POFUT2: variants seen among roughly 807,000 people sequenced by gnomAD.
POFUT2 encodes GDP-fucose protein O-fucosyltransferase 2.
POFUT2 carries 30 observed loss-of-function variants against 55.0 expected under a neutral mutation model. That is an observed-to-expected ratio of 0.55 (90% confidence interval 0.41 to 0.74). The LOEUF is 0.74. Ranked by LOEUF, POFUT2 falls within the 30% of genes least tolerant of loss-of-function variation. The probability of loss-of-function intolerance (pLI) is 0.00; values close to 1 mark genes in which losing one functional copy is unlikely to be tolerated. For missense variants in POFUT2, 524 were observed against 562.6 expected, an observed-to-expected ratio of 0.93 and a Z score of 0.69; for synonymous variants, 267 against 231.1, an observed-to-expected ratio of 1.16 and a Z score of -1.41.
At chr21:45,283,018 C>T (rs2030882707) in intron 3 of POFUT2, 3 of 434,804 alleles carry the variant, frequency 6.9e-6, no homozygotes, top group African/African-American at 2.0e-5. Flanking sequence ...ACGGCCCATT[C>T]TCCAGGCCTC....
In POFUT2 at chr21:45,284,220, C is replaced by A. The variant is rs536475203; in HGVS notation, c.383-693G>T. Reference sequence around the variant, plus strand: ...GAACAAAGCGGGAGGGAGCATCGCGCAGGTGAAGTTCTGGGGCAGGAACAA... The same window carrying A: ...GAACAAAGCGGGAGGGAGCATCGCGAAGGTGAAGTTCTGGGGCAGGAACAA... On this transcript the variant is annotated intron_variant, in intron 2 of 8. Coordinates refer to ENST00000349485, the MANE Select transcript of POFUT2 (RefSeq NM_133635.6). The surrounding 1 kb of genome is among the most constrained non-coding windows in gnomAD (Gnocchi z 5.8). 1.3e-5 allele frequency among the ~76,000 whole-genome samples: 2 copies of A among 151,076 alleles called. No individual in the cohort carries two copies. The highest frequency in any genetic ancestry group is 6.6e-5 in the Admixed American group (1 of 15,114).
At chr21:45,278,974 C>T (rs936398092) in intron 4 of POFUT2, among the ~76,000 whole-genome samples, 2 of 152,320 alleles carry the variant, frequency 1.3e-5, no homozygotes, top group South Asian at 2.1e-4. Context: ...ACCAAACTCC[C>T]CCCAGGGCTC....
In POFUT2 at chr21:45,267,288, A is replaced by C. The variant is rs1602148468; in HGVS notation, c.1136+302T>G. The stretch of plus-strand genomic sequence containing the variant: ...CAGGGCAGGGGGCAGACAGGGGCAG[A>C]AACCGGGAATGATGGGAAAATGCGA... On this transcript the variant is annotated intron_variant, in intron 8 of 8. Coordinates refer to ENST00000349485, the MANE Select transcript of POFUT2 (RefSeq NM_133635.6). This position sits in a 1 kb window ranked among gnomAD's most constrained non-coding sequence, Gnocchi z 4.4. The C allele has an allele frequency of 1.4e-6, 2 of 1,450,516 alleles. No individual in the cohort carries two copies. The highest frequency in any genetic ancestry group is 4.9e-5 in the East Asian group (2 of 40,460). 89.9% of individuals were successfully genotyped at this position (1,450,516 alleles called of 1,614,324 possible).
In POFUT2 at chr21:45,268,968, GCCCGGCCGCC is replaced by G. The variant is rs2093189938; in HGVS notation, c.1012+861_1012+870del. 1.9e-5 allele frequency among the ~76,000 whole-genome samples: 2 copies of G among 103,742 alleles called. 1 individual carries two copies. Among genetic ancestry groups the G allele is most frequent in the African/African-American group, 8.5e-5 (2 of 23,444 alleles). The allele number at this position is 103,742 out of a possible 152,430, so 68.1% of individuals were successfully genotyped here. On this transcript the variant is annotated intron_variant, in intron 7 of 8. Coordinates refer to ENST00000349485, the MANE Select transcript of POFUT2 (RefSeq NM_133635.6). ...CGTCCGGGAGGTGAGGGGCGCCTCT[GCCCGGCCGCC>G]CCTACTGGGAAGCAAAGAGCCCCTC... is the stretch of plus-strand genomic sequence containing the variant.
chr21:45,266,625 G>C, intron 8 of POFUT2: 1 of 1,012,342 alleles, frequency 9.9e-7, no homozygotes, highest in Non-Finnish European at 1.2e-6. Context: ...TAAGAAGTCA[G>C]CGCTGCATCC....
Position 45,267,538 on chromosome 21 carries a change from C to A in POFUT2, c.1136+52G>T. 2 of 1,614,182 alleles carry A rather than the reference C, an allele frequency of 1.2e-6. No individual in the cohort carries two copies. The highest frequency in any genetic ancestry group is 1.7e-6 in the Non-Finnish European group (2 of 1,180,042). On this transcript the variant is annotated intron_variant, in intron 8 of 8. Transcript: ENST00000349485. This position sits in a 1 kb window ranked among gnomAD's most constrained non-coding sequence, Gnocchi z 4.4. ...ACACCGAGTACTTGGGACAGAAGAA[C>A]CTTTGAAAGCCACCCGACCCGCTCT...
chr21:45,268,767 TGAG>T (rs1397051138), intron 7 of POFUT2, among the ~76,000 whole-genome samples: 1 of 146,198 alleles, frequency 6.8e-6, no homozygotes, highest in African/African-American at 2.6e-5. Context: ...ATCTGGGAAG[TGAG>T]GAGCGTCTCC....
chr21:45,278,958 C>G (rs775935213), intron 4 of POFUT2, among the ~76,000 whole-genome samples: 1 of 152,074 alleles, frequency 6.6e-6, no homozygotes, highest in Admixed American at 6.6e-5. Flanking sequence ...TTGAGCCAAC[C>G]GTCTCACCAA....
intron 7 of POFUT2, 56 bp downstream of exon 7, chr21:45,269,783 A>G: frequency 6.6e-7 from 1 of 1,506,810 alleles, no homozygotes. Context: ...AAGAATTATC[A>G]ATAAAAAAAA....
At chr21:45,275,029 C>T (rs867087170) in intron 6 of POFUT2, among the ~76,000 whole-genome samples, 8 of 152,090 alleles carry the variant, frequency 5.3e-5, no homozygotes, top group Admixed American at 1.3e-4. Flanking sequence ...ACTTTGCATC[C>T]GACCAAGGAC....
intron 7 of POFUT2, among the ~76,000 whole-genome samples, chr21:45,269,271 C>A (rs1373552040): frequency 6.6e-6 from 1 of 152,072 alleles, no homozygotes; most frequent in East Asian, 1.9e-4. Flanking sequence ...CCGGCCACCA[C>A]CCCGTCTGGG....
At chr21:45,272,173 C>T (rs1429161859) in intron 6 of POFUT2, among the ~76,000 whole-genome samples, 3 of 152,104 alleles carry the variant, frequency 2.0e-5, no homozygotes, top group African/African-American at 7.2e-5. Flanking sequence ...ACTGACCTAA[C>T]ACATAAGGAC....
chr21:45,285,503 A>T lies in POFUT2; in HGVS notation c.382+175T>A. 1.3e-6 allele frequency: 1 copy of T among 741,018 alleles called. No individual in the cohort carries two copies. Among genetic ancestry groups the T allele is most frequent in the Middle Eastern group, 2.3e-4 (1 of 4,392 alleles). The allele number at this position is 741,018 out of a possible 1,614,324, so 45.9% of individuals were successfully genotyped here. On this transcript the variant is annotated intron_variant, in intron 2 of 8. Coordinates refer to ENST00000349485, the MANE Select transcript of POFUT2 (RefSeq NM_133635.6). The surrounding 1 kb of genome is among the most constrained non-coding windows in gnomAD (Gnocchi z 4.9). ...AAGCTCACTGCAGCGTGGGAAAGGG[A>T]CTGTGCTCCTGAACGGAGGAGGTGC...
rs1395971829 is a variant in POFUT2, at chr21:45,264,684, G to A, written c.*798C>T. The A allele has an allele frequency of 6.7e-6, 1 of 150,188 alleles. No individual in the cohort carries two copies. The highest frequency in any genetic ancestry group is 1.5e-5 in the Non-Finnish European group (1 of 67,248). The allele number at this position is 150,188 out of a possible 1,614,324, so 9.3% of individuals were successfully genotyped here. On this transcript the variant is annotated 3_prime_UTR_variant, in exon 9 of 9. Transcript: ENST00000349485. Reference sequence around the variant, plus strand: ...CGGGCGAGGGCGGGGCAGTCGGGGTGAGGGTGGGGCGGGGCAGTCGGGGCG... The same window carrying A: ...CGGGCGAGGGCGGGGCAGTCGGGGTAAGGGTGGGGCGGGGCAGTCGGGGCG...
chr21:45,282,244 G>C lies in POFUT2; in HGVS notation c.638+105C>G, dbSNP rs1158198058. 5.3e-6 allele frequency: 4 copies of C among 755,924 alleles called. No individual in the cohort carries two copies. The highest frequency in any genetic ancestry group is 9.0e-6 in the Non-Finnish European group (4 of 442,294). 46.8% of individuals were successfully genotyped at this position (755,924 alleles called of 1,614,324 possible). The stretch of plus-strand genomic sequence containing the variant: ...CCCAGGGTCCGCTGTCTGTGAGGTG[G>C]GTGGGCCAGGGATGCGGGAGTATGG... On this transcript the variant is annotated intron_variant, in intron 4 of 8. Transcript: ENST00000349485. This position sits in a 1 kb window ranked among gnomAD's most constrained non-coding sequence, Gnocchi z 4.6.
In POFUT2 at chr21:45,265,494, C is replaced by T. The variant is rs147423047; in HGVS notation, c.1278G>A (p.Lys426=). The T allele has an allele frequency of 5.3e-5, 86 of 1,612,890 alleles. No homozygotes were observed. The South Asian group carries it at 8.8e-4, about 16-fold the overall frequency. The change falls in exon 9 of 9, where the codon AAG becomes AAA. Residue 426 remains lysine (K), a synonymous_variant. Coordinates refer to ENST00000349485, the MANE Select transcript of POFUT2 (RefSeq NM_133635.6). This position sits in a 1 kb window ranked among gnomAD's most constrained non-coding sequence, Gnocchi z 4.6. ...EKACEQPTHW[K]ITY ...TGGAGGATCCTCCTCAGTAGGTGAT[C>T]TTCCAGTGGGTGGGTTGCTCACACG...
rs866089090 is a variant in POFUT2 at position 45,266,776 on chromosome 21, C to T, written c.1136+814G>A. The T allele has an allele frequency of 1.0e-4, 100 of 997,412 alleles. No individual in the cohort carries two copies. The African/African-American group carries it at 1.5e-3, about 15-fold the overall frequency. The allele number at this position is 997,412 out of a possible 1,614,324, so 61.8% of individuals were successfully genotyped here. On this transcript the variant is annotated intron_variant, in intron 8 of 8. Transcript: ENST00000349485. ...CACCGGCTCAGGGCGCTCAGCATTC[C>T]TCGGGCAGGAGAGAGACAGACTAAC...
At position 45,267,561 on chromosome 21, in the gene POFUT2, T is replaced by A; in HGVS notation, c.1136+29A>T. ...AACCTTTGAAAGCCACCCGACCCGC[T>A]CTCGGCCGACAGTGACGTGGGCAGG... On this transcript the variant is annotated intron_variant, in intron 8 of 8. Coordinates refer to ENST00000349485, the MANE Select transcript of POFUT2 (RefSeq NM_133635.6). This position sits in a 1 kb window ranked among gnomAD's most constrained non-coding sequence, Gnocchi z 4.4. 3.7e-6 allele frequency: 6 copies of A among 1,614,082 alleles called. No homozygotes were observed. The highest frequency in any genetic ancestry group is 5.1e-6 in the Non-Finnish European group (6 of 1,180,024).
chr21:45,265,167 G>T lies in POFUT2; in HGVS notation c.*315C>A, dbSNP rs2093142107. The T allele has an allele frequency of 3.8e-6, 1 of 264,748 alleles. No individual in the cohort carries two copies. Among genetic ancestry groups the T allele is most frequent in the Non-Finnish European group, 7.1e-6 (1 of 140,296 alleles). 16.4% of individuals were successfully genotyped at this position (264,748 alleles called of 1,614,324 possible). Reference sequence around the variant, plus strand: ...AAGGTGGCTGGAAAGGCCAGAGCGGGAGCCTGACAAACACTCCTGCTTCTG... The same window carrying T: ...AAGGTGGCTGGAAAGGCCAGAGCGGTAGCCTGACAAACACTCCTGCTTCTG... On this transcript the variant is annotated 3_prime_UTR_variant, in exon 9 of 9. Coordinates refer to ENST00000349485, the MANE Select transcript of POFUT2 (RefSeq NM_133635.6). This position sits in a 1 kb window ranked among gnomAD's most constrained non-coding sequence, Gnocchi z 4.6.
Sources: gnomAD v4.1 joint callset for allele counts (sites outside exome capture counted in the v4.1 genomes callset) on GRCh38, gnomAD v4.1.1 for gene constraint, Gnocchi (gnomAD v3.1) non-coding constraint, MANE v1.5 for transcripts, NCBI Gene and HGNC (gene_info 2026-07-23, HGNC 2026-07-21) for gene names.